The following HMCN2 variants were observed in gnomAD, a reference collection of about 807,000 sequenced individuals.
HMCN2 encodes hemicentin 2.
In HMCN2, 325 loss-of-function variants were observed where a neutral mutation model predicts 377.5. The observed-to-expected ratio is 0.86, with a 90% CI of 0.79 to 0.94. HMCN2 has a LOEUF of 0.94. Ranked by LOEUF, HMCN2 falls within the 40% of genes least tolerant of loss-of-function variation. HMCN2 has a pLI of 0.00. For synonymous variants in HMCN2, 2,007 were observed against 2,046.8 expected, an observed-to-expected ratio of 0.98 and a Z score of 0.53; for missense variants, 4,543 against 4,725.3, an observed-to-expected ratio of 0.96 and a Z score of 1.13.
At chr9:130,400,751 G>A (rs1205817855) in intron 76 of HMCN2, 32 bp from the exon 77 acceptor site, 8 of 1,263,384 alleles carry the variant, frequency 6.3e-6, no homozygotes, top group East Asian at 5.8e-5. Flanking sequence ...TGTGCCCGCC[G>A]GCAGGGCCTC....
Position 130,395,989 on chromosome 9 carries a change from T to G in HMCN2, c.10977T>G (p.Ala3659=), listed in dbSNP as rs534880527. 561 of 1,287,582 alleles carry G rather than the reference T, an allele frequency of 4.4e-4. 9 individuals are homozygous for G. In the East Asian group the frequency reaches 0.015, roughly 35 times the overall value. The allele number at this position is 1,287,582 out of a possible 1,614,324, so 79.8% of individuals were successfully genotyped here. A position where few individuals can be genotyped will look rare whatever the true frequency, so the allele number is the denominator to read the frequency against. ...RFLQLQALST[A]DSGDYSCTAR... ...TCCAGCTGCAGGCCCTGAGCACGGC[T>G]GACAGCGGCGACTACAGCTGCACAG... The change falls in exon 72 of 98, where the codon GCT becomes GCG. Residue 3659 remains alanine, a synonymous_variant. Coordinates refer to ENST00000683500, the MANE Select transcript of HMCN2 (RefSeq NM_001291815.2).
rs782313287 is a variant in HMCN2, at chr9:130,294,956, C to T, written c.714C>T (p.Asp238=). 3 of 470,954 alleles carry T rather than the reference C, an allele frequency of 6.4e-6. No individual in the cohort carries two copies. The highest frequency in any genetic ancestry group is 4.7e-5 in the South Asian group (3 of 64,514). The allele number at this position is 470,954 out of a possible 1,614,324, so 29.2% of individuals were successfully genotyped here. Residue 238 remains aspartate (D), a synonymous_variant, in exon 5 of 98, where the codon GAC becomes GAT. Coordinates refer to ENST00000683500, the MANE Select transcript of HMCN2 (RefSeq NM_001291815.2). The part of the protein sequence containing the change: ...EGEHTWRLPF[D]PSLKEVTISL... ...AGCACACATGGAGACTCCCCTTTGA[C>T]CCCAGCCTGAAGGAGGTCACCATCT...
chr9:130,426,541 A>T (rs542895302), intron 90 of HMCN2, among the ~76,000 whole-genome samples: 1 of 152,268 alleles, frequency 6.6e-6, no homozygotes, highest in East Asian at 1.9e-4. Context: ...CGCGGGCATG[A>T]CATCGCCTGC....
At chr9:130,309,563 G>T (rs1453524638) in intron 14 of HMCN2, among the ~76,000 whole-genome samples, 13 of 151,516 alleles carry the variant, frequency 8.6e-5, no homozygotes, top group African/African-American at 2.4e-4. Flanking sequence ...ATGATGGCGG[G>T]CTCAGGGCTC....
intron 85 of HMCN2, among the ~76,000 whole-genome samples, chr9:130,417,007 G>A (rs1042235729): frequency 4.0e-5 from 6 of 151,832 alleles, no homozygotes; most frequent in Non-Finnish European, 8.8e-5. Context: ...TGCCTCCCAG[G>A]TTCAAGCAAT....
In HMCN2 at chr9:130,360,169, TC is replaced by T. The variant is rs992897074; in HGVS notation, c.5774-256del. ...CAACATTGCCCGGTTCCATCCCGGT[TC>T]CCTTTCCTGAATGAAGAACTCTGAC... is the stretch of plus-strand genomic sequence containing the variant. On this transcript the variant is annotated intron_variant, in intron 37 of 97. Coordinates refer to ENST00000683500, the MANE Select transcript of HMCN2 (RefSeq NM_001291815.2). This position sits in a 1 kb window ranked among gnomAD's most constrained non-coding sequence, Gnocchi z 4.7. Among the ~76,000 whole-genome samples, 2 of 152,136 alleles carry T rather than the reference TC, an allele frequency of 1.3e-5. No individual in the cohort carries two copies. The highest frequency in any genetic ancestry group is 4.8e-5 in the African/African-American group (2 of 41,424).
At chr9:130,290,398 T>A (rs1554929602) in intron 4 of HMCN2, among the ~76,000 whole-genome samples, 1 of 152,184 alleles carries the variant, frequency 6.6e-6, no homozygotes. Context: ...CTTCCCTCCA[T>A]CAGAACATCC....
chr9:130,387,163 A>G (rs1167242235), intron 61 of HMCN2, among the ~76,000 whole-genome samples: 1 of 152,234 alleles, frequency 6.6e-6, no homozygotes, highest in African/African-American at 2.4e-5. Context: ...TTGATTGGAC[A>G]TGTGGCTCCA....
chr9:130,321,287 C>T (rs938627384), intron 18 of HMCN2, among the ~76,000 whole-genome samples: 1 of 150,488 alleles, frequency 6.6e-6, no homozygotes, highest in Non-Finnish European at 1.5e-5. Context: ...GCCCCAGACA[C>T]CGGCGCGCGC....
At chr9:130,395,481 G>C in intron 71 of HMCN2, 134 bp downstream of exon 71, 1 of 723,580 alleles carries the variant, frequency 1.4e-6, no homozygotes, top group Non-Finnish European at 1.9e-6. Context: ...TGTTCCCCGG[G>C]TGTCATACCC....
intron 25 of HMCN2, among the ~76,000 whole-genome samples, chr9:130,344,028 C>A (rs1375369594): frequency 6.6e-6 from 1 of 151,698 alleles, no homozygotes; most frequent in Non-Finnish European, 1.5e-5. Context: ...CGTGAGGGAC[C>A]CTGGGCAGCA....
chr9:130,375,686 T>A lies in HMCN2; in HGVS notation c.7754T>A (p.Met2585Lys), dbSNP rs1841336419. 1.0e-6 allele frequency: 1 copy of A among 985,780 alleles called. No homozygotes were observed. The highest frequency in any genetic ancestry group is 1.2e-6 in the Non-Finnish European group (1 of 830,006). The allele number at this position is 985,780 out of a possible 1,614,324, so 61.1% of individuals were successfully genotyped here. ...LAFPSPNITW[M>K]KDGAPFEASR... is the part of the protein sequence containing the mutation. ...TTCCCTTCCCCCAACATCACCTGGA[T>A]GAAGGACGGGGCCCCGTTTGAGGCC... Residue 2585 changes from methionine to lysine, a missense_variant, in exon 50 of 98, where the codon ATG becomes AAG. Transcript: ENST00000683500.
At chr9:130,284,450 C>T (rs1554926825) in intron 1 of HMCN2, among the ~76,000 whole-genome samples, 153 bp from the exon 2 acceptor site, 2 of 152,128 alleles carry the variant, frequency 1.3e-5, no homozygotes, top group African/African-American at 4.8e-5. Context: ...TCTGATCCTG[C>T]AGCTCCGGGA....
chr9:130,385,914 G>A (rs561022181), intron 60 of HMCN2, 152 bp downstream of exon 60: 42 of 442,632 alleles, frequency 9.5e-5, no homozygotes, highest in African/African-American at 7.8e-4. Context: ...CAGCTTCCAG[G>A]GTGGAAGACA....
chr9:130,295,158 T>TG (rs1199840513), intron 5 of HMCN2, 132 bp downstream of exon 5: 8 of 268,748 alleles, frequency 3.0e-5, no homozygotes, highest in East Asian at 1.2e-4. Flanking sequence ...AAATATGGGG[T>TG]GGGGGGGACA....
At chr9:130,397,772 AC>A in intron 74 of HMCN2, 117 bp downstream of exon 74, 1 of 960,938 alleles carries the variant, frequency 1.0e-6, no homozygotes, top group Non-Finnish European at 1.4e-6. Flanking sequence ...AATGTTTTTG[AC>A]CATGAAGCCC....
chr9:130,278,549 G>T (rs1324378350), intron 1 of HMCN2, among the ~76,000 whole-genome samples: 1 of 152,052 alleles, frequency 6.6e-6, no homozygotes, highest in Non-Finnish European at 1.5e-5. Flanking sequence ...GTCCTTCCTG[G>T]GACTGCAGAA....
intron 4 of HMCN2, among the ~76,000 whole-genome samples, chr9:130,289,239 C>T (rs1835600303): frequency 6.6e-6 from 1 of 152,222 alleles, no homozygotes; most frequent in Admixed American, 6.5e-5. Context: ...TGGGAGCCTT[C>T]CCATGTTCAG....
At chr9:130,345,862 G>A (rs1839366302) in intron 25 of HMCN2, among the ~76,000 whole-genome samples, 1 of 151,828 alleles carries the variant, frequency 6.6e-6, no homozygotes, top group African/African-American at 2.4e-5. Context: ...ACGGTGGGCG[G>A]TCAGGGTAGG....
Sources: gnomAD v4.1 joint callset for allele counts (sites outside exome capture counted in the v4.1 genomes callset) on GRCh38, gnomAD v4.1.1 for gene constraint, Gnocchi (gnomAD v3.1) non-coding constraint, MANE v1.5 for transcripts, NCBI Gene and HGNC (gene_info 2026-07-23, HGNC 2026-07-21) for gene names.